PAK5: variants seen among roughly 807,000 people sequenced by gnomAD.
The protein encoded by PAK5 is p21 (RAC1) activated kinase 5.
PAK5 carries 16 observed loss-of-function variants against 65.9 expected under a neutral mutation model. The ratio of observed to expected loss-of-function variants is 0.24; its 90% CI spans 0.16 to 0.37. PAK5 has a LOEUF of 0.37. Ranked by LOEUF, PAK5 falls within the 10% of genes least tolerant of loss-of-function variation. PAK5 has a pLI of 1.00. For synonymous variants in PAK5, 371 were observed against 354.9 expected (o/e 1.05, Z -0.51); for missense variants, 785 against 903.9 (o/e 0.87, Z 1.69).
intron 2 of PAK5, among the ~76,000 whole-genome samples, chr20:9,652,313 C>T (rs2047212671): frequency 6.6e-6 from 1 of 152,052 alleles, no homozygotes; most frequent in Non-Finnish European, 1.5e-5. Context: ...AAAGATTCTC[C>T]AGTCTTTTAG....
At chr20:9,656,597 A>T (rs1431127765) in intron 2 of PAK5, among the ~76,000 whole-genome samples, 1 of 152,210 alleles carries the variant, frequency 6.6e-6, no homozygotes, top group African/African-American at 2.4e-5. Flanking sequence ...AACCAAGCAC[A>T]GTGAAGTCTA....
chr20:9,551,371 G>C (rs1457716797), intron 7 of PAK5, among the ~76,000 whole-genome samples: 1 of 152,140 alleles, frequency 6.6e-6, no homozygotes, highest in Non-Finnish European at 1.5e-5. Context: ...CCCCTAAAAG[G>C]AGAAAATGTA....
chr20:9,565,421 G>T (rs1183363065), intron 5 of PAK5, among the ~76,000 whole-genome samples: 5 of 152,228 alleles, frequency 3.3e-5, no homozygotes, highest in African/African-American at 1.2e-4. Context: ...ACTGACCCTG[G>T]TCTACTGTTT....
intron 3 of PAK5, among the ~76,000 whole-genome samples, chr20:9,621,076 A>AATCTTGTT (rs1569004064): frequency 6.6e-6 from 1 of 151,988 alleles, no homozygotes; most frequent in Admixed American, 6.6e-5. Context: ...AAGCAACAAG[A>AATCTTGTT]GCATCTCTGT....
intron 1 of PAK5, among the ~76,000 whole-genome samples, chr20:9,770,040 A>G (rs1569081016): frequency 6.6e-6 from 1 of 152,174 alleles, no homozygotes. Flanking sequence ...TAGAGTCAAA[A>G]GAGTTTCTTT....
At chr20:9,703,183 C>A (rs1463299390) in intron 2 of PAK5, among the ~76,000 whole-genome samples, 1 of 152,202 alleles carries the variant, frequency 6.6e-6, no homozygotes, top group African/African-American at 2.4e-5. Flanking sequence ...ATTTGAAGAA[C>A]CACCCCAGAA....
chr20:9,637,833 G>A (rs890118845), intron 3 of PAK5, among the ~76,000 whole-genome samples: 2 of 152,048 alleles, frequency 1.3e-5, no homozygotes, highest in African/African-American at 4.8e-5. Context: ...ATTAAGATAT[G>A]CTTTTTTTCA....
intron 1 of PAK5, among the ~76,000 whole-genome samples, chr20:9,779,051 T>A (rs1322798414): frequency 6.6e-6 from 1 of 152,174 alleles, no homozygotes; most frequent in Non-Finnish European, 1.5e-5. Context: ...CGTCTCTTTT[T>A]TTCATGAAAT....
chr20:9,826,535 A>T (rs2049486101), intron 1 of PAK5, among the ~76,000 whole-genome samples: 1 of 152,180 alleles, frequency 6.6e-6, no homozygotes, highest in Admixed American at 6.6e-5. Flanking sequence ...GATAGTATCC[A>T]TATATTGCTT....
At chr20:9,577,887 G>A (rs529619177) in intron 4 of PAK5, among the ~76,000 whole-genome samples, 1 of 152,158 alleles carries the variant, frequency 6.6e-6, no homozygotes, top group Non-Finnish European at 1.5e-5. Flanking sequence ...ACAATAGTTT[G>A]TGCATTGTTT....
At chr20:9,659,038 C>T (rs1307716154) in intron 2 of PAK5, among the ~76,000 whole-genome samples, 1 of 152,136 alleles carries the variant, frequency 6.6e-6, no homozygotes, top group Non-Finnish European at 1.5e-5. Context: ...GGTATAAAGA[C>T]TTTAGAAGTC....
At chr20:9,585,875 A>T (rs1182547494) in intron 3 of PAK5, among the ~76,000 whole-genome samples, 5 of 152,206 alleles carry the variant, frequency 3.3e-5, no homozygotes, top group South Asian at 2.1e-4. Flanking sequence ...AAGATTATTT[A>T]AAAAATGATC....
At chr20:9,597,422 G>A (rs1162903822) in intron 3 of PAK5, among the ~76,000 whole-genome samples, 6 of 152,284 alleles carry the variant, frequency 3.9e-5, no homozygotes, top group African/African-American at 1.4e-4. Context: ...CCTAAAACAA[G>A]CACTGACCCT....
intron 2 of PAK5, among the ~76,000 whole-genome samples, chr20:9,698,554 T>G (rs1401745949): frequency 6.6e-6 from 1 of 152,210 alleles, no homozygotes; most frequent in Non-Finnish European, 1.5e-5. Flanking sequence ...CCATTTGGTT[T>G]GCTTTCTAAG....
At chr20:9,791,592 G>A (rs974508911) in intron 1 of PAK5, among the ~76,000 whole-genome samples, 2 of 152,096 alleles carry the variant, frequency 1.3e-5, no homozygotes, top group African/African-American at 4.8e-5. Flanking sequence ...CATCAGGCTG[G>A]ATTTGGACCT....
intron 3 of PAK5, among the ~76,000 whole-genome samples, chr20:9,605,093 G>A (rs755300678): frequency 6.6e-6 from 1 of 152,244 alleles, no homozygotes; most frequent in Non-Finnish European, 1.5e-5. Flanking sequence ...GTGCCCCATT[G>A]AGCTGGTTAA....
intron 3 of PAK5, among the ~76,000 whole-genome samples, chr20:9,635,051 A>C (rs8115877): frequency 0.31 from 47,393 of 152,068 alleles, 7,627 homozygotes; most frequent in East Asian, 0.43. Context: ...GTTTTAAAAC[A>C]TAGGTAATCT....
At position 9,618,921 on chromosome 20, in the gene PAK5, T is replaced by G. The variant is rs1433736108; in HGVS notation, c.204+25204A>C. Among the ~76,000 whole-genome samples the G allele has an allele frequency of 4.6e-4, 43 of 92,774 alleles. 1 individual carries two copies. Among genetic ancestry groups the G allele is most frequent in the African/African-American group, 1.7e-3 (39 of 23,088 alleles). 60.9% of individuals were successfully genotyped at this position (92,774 alleles called of 152,430 possible). A position where few individuals can be genotyped will look rare whatever the true frequency, so the allele number is the denominator to read the frequency against. On this transcript the variant is annotated intron_variant, in intron 3 of 9. Transcript: ENST00000353224. ...TTTTCTCTCTCTTTCTTTCGTTTTT[T>G]TTTTTTTTTTTTTTTTTTTTTTTTT...
At chr20:9,628,796 C>G (rs553862077) in intron 3 of PAK5, among the ~76,000 whole-genome samples, 1 of 152,194 alleles carries the variant, frequency 6.6e-6, no homozygotes, top group African/African-American at 2.4e-5. Context: ...AGTCTCTCTA[C>G]CACAAGGTGT....
Sources: gnomAD v4.1 joint callset for allele counts (sites outside exome capture counted in the v4.1 genomes callset) on GRCh38, gnomAD v4.1.1 for gene constraint, MANE v1.5 for transcripts, NCBI Gene and HGNC (gene_info 2026-07-23, HGNC 2026-07-21) for gene names.